TNS3: variants seen among roughly 807,000 people sequenced by gnomAD.
TNS3 encodes tensin 3, also known as tensin-3.
Under a neutral mutation model 140.9 loss-of-function variants are expected in TNS3, and 45 were observed. That is an observed-to-expected ratio of 0.32 (90% CI 0.25 to 0.41). The LOEUF is 0.41. Among genes scored for constraint, TNS3 ranks in the 10% least tolerant of loss-of-function variants. TNS3 has a pLI of 1.00. For missense variants in TNS3, 1,716 were observed against 1,906.7 expected (o/e 0.90, Z 1.86); for synonymous variants, 815 against 788.4 (o/e 1.03, Z -0.56).
chr7:47,309,970 G>A (rs552166822), intron 20 of TNS3, among the ~76,000 whole-genome samples: 2 of 152,354 alleles, frequency 1.3e-5, no homozygotes, highest in South Asian at 4.1e-4. Context: ...CTCCAGGGAA[G>A]GGAGCAGGAG....
chr7:47,532,141 C>A (rs565572102), intron 1 of TNS3, among the ~76,000 whole-genome samples: 3 of 152,314 alleles, frequency 2.0e-5, no homozygotes, highest in Middle Eastern at 3.4e-3. Flanking sequence ...CCCGGCCCCC[C>A]ACCTCTCATC....
chr7:47,404,044 T>C (rs527676334), intron 13 of TNS3, among the ~76,000 whole-genome samples: 4 of 152,378 alleles, frequency 2.6e-5, no homozygotes, highest in Admixed American at 1.3e-4. Flanking sequence ...AGAGTGTTTC[T>C]AGAATATGTT....
At chr7:47,419,941 T>G (rs1005618440) in intron 10 of TNS3, among the ~76,000 whole-genome samples, 3 of 152,112 alleles carry the variant, frequency 2.0e-5, no homozygotes, top group Non-Finnish European at 4.4e-5. Flanking sequence ...AGGGGGCTGA[T>G]TTGGGTAGTA....
chr7:47,493,405 T>C (rs1038857400), intron 3 of TNS3, among the ~76,000 whole-genome samples: 4 of 152,118 alleles, frequency 2.6e-5, no homozygotes, highest in African/African-American at 9.7e-5. Flanking sequence ...GGGAAGAAAA[T>C]GGTAAATTCC....
At chr7:47,330,932 A>G (rs1788305148) in intron 20 of TNS3, among the ~76,000 whole-genome samples, 1 of 152,082 alleles carries the variant, frequency 6.6e-6, no homozygotes, top group Non-Finnish European at 1.5e-5. Flanking sequence ...GCTGCATCCC[A>G]TCACCTCCCA....
At chr7:47,519,981 A>AC (rs1798914912) in intron 2 of TNS3, among the ~76,000 whole-genome samples, 1 of 150,324 alleles carries the variant, frequency 6.7e-6, no homozygotes, top group African/African-American at 2.4e-5. Flanking sequence ...CCGCCACCAC[A>AC]CCTGCTAATT....
chr7:47,425,733 T>C (rs1794611877), intron 9 of TNS3, among the ~76,000 whole-genome samples: 1 of 152,182 alleles, frequency 6.6e-6, no homozygotes, highest in East Asian at 1.9e-4. Flanking sequence ...TTTTCTATAG[T>C]GATATGAGTA....
intron 20 of TNS3, among the ~76,000 whole-genome samples, chr7:47,337,318 TA>T (rs1194510501): frequency 1.3e-5 from 2 of 152,254 alleles, no homozygotes; most frequent in African/African-American, 2.4e-5. Flanking sequence ...CTTGGACACC[TA>T]TCCTGGTGGT....
At chr7:47,540,071 A>T (rs142735707) in intron 1 of TNS3, among the ~76,000 whole-genome samples, 1 of 152,216 alleles carries the variant, frequency 6.6e-6, no homozygotes, top group African/African-American at 2.4e-5. Flanking sequence ...CCCAGCTTCC[A>T]ATTTTCTTCG....
chr7:47,568,533 GTGAA>G (rs1463053913), intron 1 of TNS3, among the ~76,000 whole-genome samples: 2 of 152,258 alleles, frequency 1.3e-5, no homozygotes, highest in Non-Finnish European at 2.9e-5. Flanking sequence ...GAATGAGTGA[GTGAA>G]TGAATGAATA....
intron 2 of TNS3, among the ~76,000 whole-genome samples, chr7:47,523,632 C>T (rs1562828652): frequency 6.6e-6 from 1 of 152,218 alleles, no homozygotes; most frequent in Non-Finnish European, 1.5e-5. Context: ...CCTGCAAGTG[C>T]TCCCTGAAGG....
chr7:47,424,253 G>GA, intron 9 of TNS3, 69 bp from the exon 10 acceptor site: 22 of 1,519,752 alleles, frequency 1.4e-5, no homozygotes, highest in Non-Finnish European at 1.4e-5. Context: ...CTTGACGGGG[G>GA]ATGTGTCTCA....
At chr7:47,389,007 AAGAAGAAGAAGAAGAAGAAGAAGAAG>A (rs1792263233) in intron 16 of TNS3, among the ~76,000 whole-genome samples, 2 of 2,356 alleles carry the variant, frequency 8.5e-4, no homozygotes, top group Non-Finnish European at 6.6e-3. Context: ...AAGAAGGAAG[AAGAAGAAGAAGAAGAAGAAGAAGAAG>A]AAGAAGAAGA....
intron 20 of TNS3, among the ~76,000 whole-genome samples, chr7:47,324,229 T>C (rs1287966154): frequency 6.6e-6 from 1 of 152,226 alleles, no homozygotes; most frequent in Non-Finnish European, 1.5e-5. Context: ...ATTTTCTATC[T>C]TTGTGGTAAG....
intron 1 of TNS3, among the ~76,000 whole-genome samples, chr7:47,549,832 C>T (rs1800014886): frequency 6.6e-6 from 1 of 152,196 alleles, no homozygotes; most frequent in Non-Finnish European, 1.5e-5. Flanking sequence ...AATGATACTC[C>T]TGATGGGCCC....
At chr7:47,436,033 T>C (rs546210223) in intron 7 of TNS3, among the ~76,000 whole-genome samples, 2 of 152,316 alleles carry the variant, frequency 1.3e-5, no homozygotes, top group East Asian at 3.9e-4. Flanking sequence ...GCTTTTCCTT[T>C]GATTTCCTTT....
At chr7:47,339,429 G>A (rs910100196) in intron 20 of TNS3, among the ~76,000 whole-genome samples, 19 of 152,200 alleles carry the variant, frequency 1.2e-4, no homozygotes, top group African/African-American at 4.1e-4. Flanking sequence ...AGGTGCCCCC[G>A]CATCATTTGT....
chr7:47,447,579 A>T (rs1795810447), intron 4 of TNS3, among the ~76,000 whole-genome samples: 1 of 152,060 alleles, frequency 6.6e-6, no homozygotes, highest in Admixed American at 6.5e-5. Flanking sequence ...TGGAGTTAGC[A>T]ATCCACGCAT....
In TNS3 at chr7:47,276,062, C is replaced by T. The variant is rs1171481726; in HGVS notation, c.*2014G>A. ...CTCTTGGGGAAAGTACAAACCTCTGCTCCCTGTGGCCACATTCCTGCAGTG... is the reference window on the plus strand; with the variant it reads ...CTCTTGGGGAAAGTACAAACCTCTGTTCCCTGTGGCCACATTCCTGCAGTG... On this transcript the variant is annotated 3_prime_UTR_variant, in exon 31 of 31. Transcript: ENST00000311160. 1 of 329,762 alleles carries T rather than the reference C, an allele frequency of 3.0e-6. No homozygotes were observed. The highest frequency in any genetic ancestry group is 2.2e-5 in the African/African-American group (1 of 46,070). 20.4% of individuals were successfully genotyped at this position (329,762 alleles called of 1,614,324 possible). A position where few individuals can be genotyped will look rare whatever the true frequency, so the allele number is the denominator to read the frequency against.
Sources: gnomAD v4.1 joint callset for allele counts (sites outside exome capture counted in the v4.1 genomes callset) on GRCh38, gnomAD v4.1.1 for gene constraint, MANE v1.5 for transcripts, NCBI Gene and HGNC (gene_info 2026-07-23, HGNC 2026-07-21) for gene names.